PSMD6: variants seen among roughly 807,000 people sequenced by gnomAD.
PSMD6 encodes the protein 26S proteasome non-ATPase regulatory subunit 6.
A neutral mutation model predicts 44.9 loss-of-function variants in PSMD6; 7 were observed. The ratio of observed to expected loss-of-function variants is 0.16; its 90% CI spans 0.09 to 0.29. The LOEUF (loss-of-function observed/expected upper bound fraction) is 0.29, where lower values mean the gene tolerates loss of function less well. Ranked by LOEUF, PSMD6 falls within the 10% of genes least tolerant of loss-of-function variation. The pLI, the probability that PSMD6 is intolerant of heterozygous loss-of-function variation, is 1.00. For synonymous variants in PSMD6, 184 were observed against 172.7 expected, an observed-to-expected ratio of 1.07 and a Z score of -0.51; for missense variants, 420 against 482.6, an observed-to-expected ratio of 0.87 and a Z score of 1.21.
intron 3 of PSMD6, 115 bp from the exon 4 acceptor site, chr3:64,019,152 ATATT>A: frequency 2.9e-6 from 4 of 1,381,674 alleles, no homozygotes; most frequent in Non-Finnish European, 3.0e-6. Context: ...CCGAAAGGAG[ATATT>A]TAAATTATTT....
At position 64,010,741 on chromosome 3, in the gene PSMD6, T is replaced by A; in HGVS notation, c.1097A>T (p.Tyr366Phe). The A allele has an allele frequency of 6.2e-7, 1 of 1,610,672 alleles. No individual in the cohort carries two copies. The highest frequency in any genetic ancestry group is 8.5e-7 in the Non-Finnish European group (1 of 1,177,328). Reference sequence around the variant, plus strand: ...ATCTCCTTTCTTGATAGTTTCTTGGTACTGCCAGTTCTTGCTATCAGGTCT... The same window carrying A: ...ATCTCCTTTCTTGATAGTTTCTTGGAACTGCCAGTTCTTGCTATCAGGTCT... ...TNRPDSKNWQ[Y>F]QETIKKGDLL... The change falls in exon 8 of 8, where the codon TAC (tyrosine) becomes TTC (phenylalanine). Residue 366 changes from tyrosine to phenylalanine, a missense_variant. This residue lies in a region of PSMD6 where 63 missense variants were observed against 112.1 expected (regional missense o/e 0.56). Coordinates refer to ENST00000295901, the MANE Select transcript of PSMD6 (RefSeq NM_014814.3).
At chr3:64,014,399 A>C (rs2076011774) in intron 5 of PSMD6, 1 of 152,158 alleles carries the variant, frequency 6.6e-6, no homozygotes, top group Non-Finnish European at 1.5e-5. Flanking sequence ...AAATCCTGTG[A>C]AGAAAATAAA....
chr3:64,022,167 C>T (rs1179218332), intron 2 of PSMD6, 151 bp downstream of exon 2: 1 of 862,854 alleles, frequency 1.2e-6, no homozygotes, highest in Non-Finnish European at 1.7e-6. Flanking sequence ...ACTTTTTCAT[C>T]TTTACATTGA....
Position 64,013,691 on chromosome 3 carries a change from G to A in PSMD6, c.827-84C>T, listed in dbSNP as rs566135143. 288 of 1,228,566 alleles carry A rather than the reference G, an allele frequency of 2.3e-4. 3 individuals are homozygous for A. In the South Asian group the frequency reaches 4.8e-3, roughly 21 times the overall value. The allele number at this position is 1,228,566 out of a possible 1,614,324, so 76.1% of individuals were successfully genotyped here. A position where few individuals can be genotyped will look rare whatever the true frequency, so the allele number is the denominator to read the frequency against. On this transcript the variant is annotated intron_variant, in intron 5 of 7. Coordinates refer to ENST00000295901, the MANE Select transcript of PSMD6 (RefSeq NM_014814.3). ...AAACTAAAGCAACACTACTAGTTGA[G>A]TCCAACAGATAGATGAACAAGTATC...
At chr3:64,019,250 T>C (rs2076093629) in intron 3 of PSMD6, 46 bp downstream of exon 3, 2 of 1,528,206 alleles carry the variant, frequency 1.3e-6, no homozygotes. Flanking sequence ...TTCTCATTTG[T>C]AGCATCATAA....
At chr3:64,022,260 A>T in intron 2 of PSMD6, 58 bp downstream of exon 2, 1 of 1,558,722 alleles carries the variant, frequency 6.4e-7, no homozygotes, top group Non-Finnish European at 8.8e-7. Flanking sequence ...GATTACCTGG[A>T]ATAGTCTCCA....
chr3:64,011,007 A>C, intron 6 of PSMD6, 52 bp from the exon 7 acceptor site: 1 of 1,430,590 alleles, frequency 7.0e-7, no homozygotes, highest in Non-Finnish European at 9.6e-7. Flanking sequence ...AATTCTTAGA[A>C]AAATGCAAAC....
Position 64,022,532 on chromosome 3 carries a change from C to G in PSMD6, c.146-9G>C, listed in dbSNP as rs373963658. The G allele has an allele frequency of 3.2e-5, 51 of 1,612,576 alleles. No homozygotes were observed. Among genetic ancestry groups the G allele is most frequent in the Non-Finnish European group, 3.8e-5 (45 of 1,178,990 alleles). The stretch of plus-strand genomic sequence containing the variant: ...ATAGTAAGGAGCCATGTCTAACATG[C>G]AAAAAGAGGGATGTGTGAGTGGGGA... On this transcript the variant is annotated splice_polypyrimidine_tract_variant and intron_variant, in intron 1 of 7. Transcript: ENST00000295901.
intron 2 of PSMD6, chr3:64,019,697 T>C: frequency 2.5e-6 from 1 of 394,884 alleles, no homozygotes; most frequent in Non-Finnish European, 4.4e-6. Context: ...GAAAACAATT[T>C]AAGAAAAATA....
rs147103159 is a variant in PSMD6 at position 64,023,312 on chromosome 3, G to A, written c.108C>T (p.Ala36=). The A allele has an allele frequency of 1.9e-3, 2,976 of 1,592,354 alleles. 6 individuals are homozygous for A. Among genetic ancestry groups the A allele is most frequent in the Admixed American group, 3.9e-3 (219 of 56,640 alleles). ...LSLPEHRGDA[A]VRDELMAAVR... ...CGGCCGCCATCAGCTCGTCGCGCAC[G>A]GCAGCGTCTCCGCGGTGCTCGGGCA... The change falls in exon 1 of 8, where the codon GCC becomes GCT. Residue 36 remains alanine (A), a synonymous_variant. Coordinates refer to ENST00000295901, the MANE Select transcript of PSMD6 (RefSeq NM_014814.3).
intron 5 of PSMD6, chr3:64,014,055 A>ACT (rs1246304262): frequency 1.2e-4 from 19 of 153,076 alleles, no homozygotes; most frequent in African/African-American, 4.3e-4. Flanking sequence ...ACTCAGAAGA[A>ACT]AGCAAAGACT....
At chr3:64,023,565 A>G (rs2076169953), upstream of PSMD6, 1 of 1,409,498 alleles carries the variant, frequency 7.1e-7, no homozygotes. Context: ...TCTGCTGGAC[A>G]CCTCCGGGAA....
chr3:64,012,037 A>G (rs1238724883), intron 6 of PSMD6: 2 of 152,162 alleles, frequency 1.3e-5, no homozygotes, highest in Non-Finnish European at 1.5e-5. Context: ...CCAGCCTTCC[A>G]TTTTGGTAGG....
intron 2 of PSMD6, 94 bp downstream of exon 2, chr3:64,022,223 AC>A: frequency 7.3e-7 from 1 of 1,372,478 alleles, no homozygotes. Flanking sequence ...TTTTTCTAAA[AC>A]GAAGTTAATT....
rs1192076337 is a variant in PSMD6, at chr3:64,022,716, C to T, written c.146-193G>A. 2.0e-6 allele frequency: 3 copies of T among 1,536,520 alleles called. No individual in the cohort carries two copies. The African/African-American group carries it at 4.1e-5, about 21-fold the overall frequency. On this transcript the variant is annotated intron_variant, in intron 1 of 7. Coordinates refer to ENST00000295901, the MANE Select transcript of PSMD6 (RefSeq NM_014814.3). ...GTATGCTGGTGGGAGGTTTGCGTGA[C>T]GGCCAATCCTGGCAATGCCAACCTC...
chr3:64,023,781 A>G (rs1358741901), upstream of PSMD6: 1 of 1,471,392 alleles, frequency 6.8e-7, no homozygotes, highest in South Asian at 1.2e-5. Flanking sequence ...AAAATGTAAT[A>G]ACAGCATTAA....
intron 2 of PSMD6, 164 bp from the exon 3 acceptor site, chr3:64,019,605 A>G: frequency 1.6e-6 from 1 of 633,854 alleles, no homozygotes; most frequent in Non-Finnish European, 2.5e-6. Context: ...ATAAGTACAC[A>G]AGGGTTTATT....
At chr3:64,017,807 T>G (rs936399310) in intron 5 of PSMD6, 7 of 152,246 alleles carry the variant, frequency 4.6e-5, no homozygotes, top group African/African-American at 1.7e-4. Context: ...GCTATCTATT[T>G]AACCAAACAC....
At chr3:64,021,155 G>C (rs1287805571) in intron 2 of PSMD6, among the ~76,000 whole-genome samples, 1 of 151,934 alleles carries the variant, frequency 6.6e-6, no homozygotes, top group African/African-American at 2.4e-5. Context: ...TATACACACA[G>C]AGACATACAT....
Sources: allele counts gnomAD v4.1 joint callset (sites outside exome capture counted in the v4.1 genomes callset), GRCh38; gene constraint gnomAD v4.1.1; regional missense constraint gnomAD v4.1.1; transcripts MANE v1.5; gene names NCBI Gene and HGNC (gene_info 2026-07-23, HGNC 2026-07-21).